PIK3C2G: variants seen among roughly 807,000 people sequenced by gnomAD.
PIK3C2G encodes phosphatidylinositol-4-phosphate 3-kinase catalytic subunit type 2 gamma, also known as phosphatidylinositol 3-kinase C2 domain-containing subunit gamma.
Under a neutral mutation model 181.1 loss-of-function variants are expected in PIK3C2G, and 168 were observed. That is an observed-to-expected ratio of 0.93 (90% CI 0.82 to 1.05). The LOEUF (loss-of-function observed/expected upper bound fraction) is 1.05. Among genes scored for constraint, PIK3C2G ranks in the 50% least tolerant of loss-of-function variants. The pLI, the probability that PIK3C2G is intolerant of heterozygous loss-of-function variation, is 0.00. For missense variants in PIK3C2G, 1,869 were observed against 1,732.8 expected (o/e 1.08, Z -1.40); for synonymous variants, 573 against 592.2 (o/e 0.97, Z 0.47).
intron 30 of PIK3C2G, among the ~76,000 whole-genome samples, chr12:18,607,954 T>C (rs1418269085): frequency 6.6e-6 from 1 of 152,142 alleles, no homozygotes; most frequent in African/African-American, 2.4e-5. Context: ...GAAAAAATGC[T>C]CATCATCACT....
intron 14 of PIK3C2G, among the ~76,000 whole-genome samples, chr12:18,387,380 C>T (rs961979514): frequency 1.3e-5 from 2 of 152,106 alleles, no homozygotes; most frequent in Non-Finnish European, 2.9e-5. Context: ...GTAGCATGAC[C>T]CCTGTCCCAT....
intron 31 of PIK3C2G, among the ~76,000 whole-genome samples, chr12:18,614,918 T>A (rs1294603035): frequency 6.6e-6 from 1 of 152,114 alleles, no homozygotes; most frequent in African/African-American, 2.4e-5. Flanking sequence ...TGTTGCACCA[T>A]CATCAAGTAA....
In PIK3C2G at chr12:18,291,011, T is replaced by C; in HGVS notation, c.918T>C (p.Cys306=). ...CACAACCTCTTCATTTTATGCCATG[T>C]GGTAAGCAACCTTGCAAATAAGTCT... ...NSTQPLHFMP[C]ANYLVKDLIA... is the part of the protein sequence containing the mutation. Residue 306 remains cysteine, a splice_region_variant and synonymous_variant, in exon 4 of 33, where the codon TGT becomes TGC. Coordinates refer to ENST00000538779, the MANE Select transcript of PIK3C2G (RefSeq NM_001288772.2). 1 of 1,592,808 alleles carries C rather than the reference T, an allele frequency of 6.3e-7. No individual in the cohort carries two copies. The highest frequency in any genetic ancestry group is 8.6e-7 in the Non-Finnish European group (1 of 1,163,076).
chr12:18,425,573 G>T (rs7308426), intron 18 of PIK3C2G, among the ~76,000 whole-genome samples: 3 of 151,298 alleles, frequency 2.0e-5, no homozygotes, highest in Non-Finnish European at 4.4e-5. Context: ...TGTATTTTTG[G>T]TAGAGACAGG....
chr12:18,568,885 T>C (rs974353862), intron 29 of PIK3C2G, among the ~76,000 whole-genome samples: 2 of 152,164 alleles, frequency 1.3e-5, no homozygotes, highest in Admixed American at 1.3e-4. Context: ...TTACTATTTT[T>C]TTTCACTTTG....
At chr12:18,703,304 TA>T in the PIK3C2G span, among the ~76,000 whole-genome samples, 1 of 152,176 alleles carries the variant, frequency 6.6e-6, no homozygotes, top group African/African-American at 2.4e-5. Context: ...ATCAGCCCTA[TA>T]TGTCTTGTCA....
At chr12:18,696,064 C>G in the PIK3C2G span, 1 of 718,736 alleles carries the variant, frequency 1.4e-6, no homozygotes, top group Non-Finnish European at 2.4e-6. Context: ...TTACAGAAAG[C>G]CCTTTTCACG....
chr12:18,711,453 G>A, the PIK3C2G span, among the ~76,000 whole-genome samples: 3 of 150,326 alleles, frequency 2.0e-5, no homozygotes, highest in Non-Finnish European at 1.5e-5. Flanking sequence ...GTTAGTGGGT[G>A]CAGCACACCA....
the PIK3C2G span, among the ~76,000 whole-genome samples, chr12:18,703,612 C>A: frequency 6.6e-6 from 1 of 152,174 alleles, no homozygotes; most frequent in Admixed American, 6.5e-5. Context: ...GTTAAGCAAA[C>A]CCCTTAGAGT....
intron 9 of PIK3C2G, among the ~76,000 whole-genome samples, chr12:18,340,769 G>T (rs2137616252): frequency 6.6e-6 from 1 of 152,190 alleles, no homozygotes; most frequent in East Asian, 1.9e-4. Flanking sequence ...TGTGAGTATG[G>T]GAAACAATGT....
chr12:18,313,867 G>T, intron 5 of PIK3C2G, 95 bp from the exon 6 acceptor site: 2 of 694,290 alleles, frequency 2.9e-6, no homozygotes, highest in Non-Finnish European at 2.5e-6. Context: ...ACCAAACTAA[G>T]TTCCAAAAAT....
intron 31 of PIK3C2G, among the ~76,000 whole-genome samples, chr12:18,623,429 A>G (rs1434697376): frequency 6.6e-6 from 1 of 151,580 alleles, no homozygotes; most frequent in Non-Finnish European, 1.5e-5. Context: ...TAGCTGTTTA[A>G]TTACTATCAT....
At chr12:18,702,818 C>CTTTTTTTT in the PIK3C2G span, among the ~76,000 whole-genome samples, 7 of 116,596 alleles carry the variant, frequency 6.0e-5, no homozygotes, top group East Asian at 2.6e-4. Flanking sequence ...GATAAAGTAA[C>CTTTTTTTT]TTTTTTTTTT....
At chr12:18,662,588 G>A in the PIK3C2G span, among the ~76,000 whole-genome samples, 1 of 152,050 alleles carries the variant, frequency 6.6e-6, no homozygotes, top group Non-Finnish European at 1.5e-5. Flanking sequence ...TGTAACTTTG[G>A]TCTGCAGCTA....
At chr12:18,301,486 G>A (rs1591876030) in intron 5 of PIK3C2G, among the ~76,000 whole-genome samples, 2 of 152,094 alleles carry the variant, frequency 1.3e-5, no homozygotes, top group South Asian at 2.1e-4. Flanking sequence ...GCTTGAGCTA[G>A]TCTATTGTTA....
At chr12:18,653,687 C>G in the PIK3C2G span, among the ~76,000 whole-genome samples, 1 of 152,080 alleles carries the variant, frequency 6.6e-6, no homozygotes, top group Non-Finnish European at 1.5e-5. Context: ...TCACCTCAAC[C>G]ACATGGTGTT....
chr12:18,395,083 C>CATT (rs765784475), intron 15 of PIK3C2G, among the ~76,000 whole-genome samples: 259 of 148,686 alleles, frequency 1.7e-3, no homozygotes, highest in Non-Finnish European at 2.6e-3. Flanking sequence ...CTCTTTCATT[C>CATT]CTTCTTTCTT....
chr12:18,692,699 A>T, the PIK3C2G span: 5 of 748,000 alleles, frequency 6.7e-6, no homozygotes, highest in African/African-American at 3.6e-5. Context: ...AACAAAATCA[A>T]ATACAGACTT....
intron 31 of PIK3C2G, among the ~76,000 whole-genome samples, chr12:18,632,509 CAT>C (rs1949392708): frequency 6.6e-6 from 1 of 152,126 alleles, no homozygotes; most frequent in African/African-American, 2.4e-5. Context: ...TGGATACAGA[CAT>C]AGTCATAAGC....
Sources: allele counts gnomAD v4.1 joint callset (sites outside exome capture counted in the v4.1 genomes callset), GRCh38; gene constraint gnomAD v4.1.1; transcripts MANE v1.5; gene names NCBI Gene and HGNC (gene_info 2026-07-23, HGNC 2026-07-21).